CTTNBP2: variants seen among roughly 807,000 people sequenced by gnomAD.
CTTNBP2 encodes cortactin-binding protein 2.
CTTNBP2 carries 108 observed loss-of-function variants against 156.9 expected under a neutral mutation model. That is an observed-to-expected ratio of 0.69 (90% confidence interval 0.59 to 0.81). The LOEUF is 0.81. Among genes scored for constraint, CTTNBP2 ranks in the 30% least tolerant of loss-of-function variants. The pLI, the probability that CTTNBP2 is intolerant of heterozygous loss-of-function variation, is 0.00. For missense variants in CTTNBP2, 1,924 were observed against 2,035.4 expected (o/e 0.95, Z 1.05); for synonymous variants, 767 against 751.8 (o/e 1.02, Z -0.33).
At chr7:117,800,879 G>A (rs563174762) in intron 3 of CTTNBP2, among the ~76,000 whole-genome samples, 2 of 152,188 alleles carry the variant, frequency 1.3e-5, no homozygotes, top group South Asian at 4.2e-4. Flanking sequence ...CCATTAAATA[G>A]GAAACAGTGC....
chr7:117,811,247 A>G (rs1800259249), intron 2 of CTTNBP2, among the ~76,000 whole-genome samples: 1 of 152,080 alleles, frequency 6.6e-6, no homozygotes, highest in East Asian at 1.9e-4. Context: ...GTTATTTCCT[A>G]TGGTGCCCTA....
chr7:117,716,229 TAC>T (rs1794364869), intron 22 of CTTNBP2, among the ~76,000 whole-genome samples: 2 of 127,808 alleles, frequency 1.6e-5, no homozygotes, highest in South Asian at 2.5e-4. Context: ...TGACTTTCAG[TAC>T]TACTTTTTTT....
intron 12 of CTTNBP2, among the ~76,000 whole-genome samples, chr7:117,753,388 G>C (rs1056582388): frequency 6.6e-6 from 1 of 152,090 alleles, no homozygotes; most frequent in Non-Finnish European, 1.5e-5. Flanking sequence ...ATTTGACCCA[G>C]CAATCCCATT....
chr7:117,755,968 C>A (rs763627435), intron 12 of CTTNBP2, among the ~76,000 whole-genome samples: 1 of 152,138 alleles, frequency 6.6e-6, no homozygotes, highest in African/African-American at 2.4e-5. Context: ...TACCTTTGAC[C>A]AAGCAACACA....
Position 117,810,651 on chromosome 7 carries a change from T to C in CTTNBP2, c.414+114A>G, listed in dbSNP as rs1221189149. The C allele has an allele frequency of 6.1e-6, 5 of 815,286 alleles. No homozygotes were observed. The Admixed American group carries it at 7.9e-5, about 13-fold the overall frequency. The allele number at this position is 815,286 out of a possible 1,614,324, so 50.5% of individuals were successfully genotyped here. On this transcript the variant is annotated intron_variant, in intron 3 of 22. Coordinates refer to ENST00000160373, the MANE Select transcript of CTTNBP2 (RefSeq NM_033427.3). ...TCTGTCAGCCTCTTGCACTTCTAAG[T>C]ACTTATTGCAATCCTGTCTGAAAAT...
chr7:117,805,584 T>C (rs911802246), intron 3 of CTTNBP2, among the ~76,000 whole-genome samples: 2 of 152,232 alleles, frequency 1.3e-5, no homozygotes, highest in Non-Finnish European at 2.9e-5. Flanking sequence ...CACTGCGAGC[T>C]CATTACATCT....
intron 2 of CTTNBP2, among the ~76,000 whole-genome samples, chr7:117,814,926 C>A (rs559813942): frequency 3.9e-5 from 6 of 152,128 alleles, no homozygotes; most frequent in African/African-American, 1.4e-4. Flanking sequence ...GCTTAAGACA[C>A]CTTGAGTTTA....
chr7:117,873,192 G>C, intron 1 of CTTNBP2, 143 bp downstream of exon 1: 1 of 598,576 alleles, frequency 1.7e-6, no homozygotes, highest in African/African-American at 1.9e-5. Context: ...TCCCGAGGAA[G>C]GGGGGCCCCG....
rs142718123 is a variant in CTTNBP2, at chr7:117,801,018, T to C, written c.415-8237A>G. Reference sequence around the variant, plus strand: ...GAAGCCAGCTTAAGAGGGCTCCCAGTGGCCAAATCGGGGACAGATAGTGAT... The same window carrying C: ...GAAGCCAGCTTAAGAGGGCTCCCAGCGGCCAAATCGGGGACAGATAGTGAT... On this transcript the variant is annotated intron_variant, in intron 3 of 22. Transcript: ENST00000160373. 4.6e-5 allele frequency among the ~76,000 whole-genome samples: 7 copies of C among 152,194 alleles called. No homozygotes were observed. The East Asian group carries it at 1.4e-3, about 29-fold the overall frequency.
chr7:117,717,823 C>T (rs1358986143), intron 22 of CTTNBP2, among the ~76,000 whole-genome samples, 195 bp downstream of exon 22: 1 of 151,790 alleles, frequency 6.6e-6, no homozygotes, highest in Non-Finnish European at 1.5e-5. Flanking sequence ...TAATGCTTTC[C>T]TATGTCATTT....
chr7:117,784,221 G>A (rs1798578067), intron 5 of CTTNBP2, 30 bp downstream of exon 5: 1 of 1,492,542 alleles, frequency 6.7e-7, no homozygotes, highest in African/African-American at 1.4e-5. Context: ...CCTTTTGCAA[G>A]TGTGTGGTAT....
chr7:117,775,720 A>G (rs1453524547), intron 8 of CTTNBP2, among the ~76,000 whole-genome samples: 2 of 152,050 alleles, frequency 1.3e-5, no homozygotes, highest in African/African-American at 4.8e-5. Flanking sequence ...CCTCTACAAC[A>G]GCAAAAGATT....
chr7:117,835,503 A>T (rs2117100817), intron 2 of CTTNBP2, among the ~76,000 whole-genome samples: 1 of 152,286 alleles, frequency 6.6e-6, no homozygotes. Flanking sequence ...ACTCAGCTGT[A>T]ACCTATCCAG....
At chr7:117,780,358 T>C in intron 7 of CTTNBP2, 83 bp downstream of exon 7, 2 of 932,148 alleles carry the variant, frequency 2.1e-6, no homozygotes. Context: ...TCTATTTTAA[T>C]TTATTTTGTT....
intron 21 of CTTNBP2, among the ~76,000 whole-genome samples, chr7:117,719,225 C>T (rs968561857): frequency 1.3e-5 from 2 of 152,126 alleles, no homozygotes; most frequent in Non-Finnish European, 2.9e-5. Context: ...GAAAAGCTGC[C>T]CAAATGAATT....
chr7:117,770,740 G>A lies in CTTNBP2; in HGVS notation c.2779-3564C>T, dbSNP rs183339669. On this transcript the variant is annotated intron_variant, in intron 8 of 22. Coordinates refer to ENST00000160373, the MANE Select transcript of CTTNBP2 (RefSeq NM_033427.3). ...AATGAGTACAGTTTTACTTTATGGA[G>A]GAGCAGGAGGAGGTAAAGAGGGAGA... Among the ~76,000 whole-genome samples the A allele has an allele frequency of 7.2e-5, 11 of 152,266 alleles. No homozygotes were observed. The East Asian group carries it at 2.1e-3, about 29-fold the overall frequency.
chr7:117,728,187 G>A lies in CTTNBP2; in HGVS notation c.3957C>T (p.Asn1319=), dbSNP rs1244588164. 2 of 1,614,166 alleles carry A rather than the reference G, an allele frequency of 1.2e-6. No individual in the cohort carries two copies. Among genetic ancestry groups the A allele is most frequent in the South Asian group, 1.1e-5 (1 of 91,088 alleles). ...DWALSVWRQL[N]SCLARLGTPE... ...GTGTGCCCAAGCGGGCCAGGCAGGA[G>A]TTAAGCTGACGCCAGACGGACAGAG... is the stretch of plus-strand genomic sequence containing the variant. The change falls in exon 17 of 23, where the codon AAC becomes AAT. Residue 1319 remains asparagine, a synonymous_variant. Coordinates refer to ENST00000160373, the MANE Select transcript of CTTNBP2 (RefSeq NM_033427.3).
intron 6 of CTTNBP2, among the ~76,000 whole-genome samples, chr7:117,782,377 T>TA (rs143655877): frequency 0.016 from 2,396 of 152,326 alleles, 75 homozygotes; most frequent in African/African-American, 0.055. Flanking sequence ...TTTCAGTATG[T>TA]AAAATTCATG....
intron 22 of CTTNBP2, chr7:117,712,527 A>G (rs909212213): frequency 6.6e-6 from 1 of 152,326 alleles, no homozygotes; most frequent in Admixed American, 6.5e-5. Flanking sequence ...CAAACATGAC[A>G]TGACTCCTAC....
Sources: gnomAD v4.1 joint callset for allele counts (sites outside exome capture counted in the v4.1 genomes callset) on GRCh38, gnomAD v4.1.1 for gene constraint, MANE v1.5 for transcripts, NCBI Gene and HGNC (gene_info 2026-07-23, HGNC 2026-07-21) for gene names.